OPA3: variants seen among roughly 807,000 people sequenced by gnomAD.
OPA3 encodes outer mitochondrial membrane lipid metabolism regulator OPA3, also known as optic atrophy 3 protein.
Under a neutral mutation model 4.0 loss-of-function variants are expected in OPA3, and 6 were observed. The ratio of observed to expected loss-of-function variants is 1.51; its 90% CI spans 0.83 to 2.99. OPA3 has a LOEUF of 2.99. Ranked by LOEUF, OPA3 falls within the 30% of genes most tolerant of loss-of-function variation. The probability of loss-of-function intolerance (pLI) is 0.00; values close to 1 mark genes in which losing one functional copy is unlikely to be tolerated. For synonymous variants in OPA3, 105 were observed against 117.1 expected, an observed-to-expected ratio of 0.90 and a Z score of 0.67; for missense variants, 235 against 256.2, an observed-to-expected ratio of 0.92 and a Z score of 0.56.
At chr19:45,571,394 G>A (rs1210920966) in intron 1 of OPA3, among the ~76,000 whole-genome samples, 1 of 152,092 alleles carries the variant, frequency 6.6e-6, no homozygotes, top group African/African-American at 2.4e-5. Flanking sequence ...GGATCCACCC[G>A]CCTTGGACTC....
Position 45,548,083 on chromosome 19 carries a change from A to G in OPA3, c.*5431T>C, listed in dbSNP as rs1036692631. ...GCTTGCTCCCAACTGGCTCCCAGCTACTAGAATGGAGCCTGGTGCAGTTGA... is the reference window on the plus strand; with the variant it reads ...GCTTGCTCCCAACTGGCTCCCAGCTGCTAGAATGGAGCCTGGTGCAGTTGA... On this transcript the variant is annotated 3_prime_UTR_variant, in exon 2 of 2. Coordinates refer to ENST00000263275, the MANE Select transcript of OPA3 (RefSeq NM_025136.4). 12 of 980,802 alleles carry G rather than the reference A, an allele frequency of 1.2e-5. No individual in the cohort carries two copies. Among genetic ancestry groups the G allele is most frequent in the East Asian group, 2.3e-4 (2 of 8,782 alleles). 60.8% of individuals were successfully genotyped at this position (980,802 alleles called of 1,614,324 possible). A position where few individuals can be genotyped will look rare whatever the true frequency, so the allele number is the denominator to read the frequency against.
intron 1 of OPA3, among the ~76,000 whole-genome samples, chr19:45,537,409 A>AAAAAAAAAAAAAAACAAG (rs1969131951): frequency 6.9e-6 from 1 of 145,980 alleles, no homozygotes; most frequent in African/African-American, 2.6e-5. Context: ...AAAAAAAAAA[A>AAAAAAAAAAAAAAACAAG]AAAAAAAAAA....
downstream of OPA3, among the ~76,000 whole-genome samples, chr19:45,543,341 GAC>G (rs1969208574): frequency 6.8e-6 from 1 of 147,428 alleles, no homozygotes; most frequent in African/African-American, 2.5e-5. Context: ...TTTTTTTTGA[GAC>G]AGAGTCTCGC....
At chr19:45,542,737 G>A (rs1402462167), downstream of OPA3, among the ~76,000 whole-genome samples, 1 of 143,300 alleles carries the variant, frequency 7.0e-6, no homozygotes, top group South Asian at 2.2e-4. Context: ...GCAGTGGTGC[G>A]ATCCTGGCTC....
chr19:45,532,147 C>G (rs1969067247), intron 1 of OPA3, among the ~76,000 whole-genome samples: 1 of 152,148 alleles, frequency 6.6e-6, no homozygotes, highest in Admixed American at 6.5e-5. Context: ...ACATGCTGAT[C>G]CCTATTAAAA....
chr19:45,574,396 C>CA (rs779877314), intron 1 of OPA3, among the ~76,000 whole-genome samples: 29,489 of 71,788 alleles, frequency 0.41, 4,749 homozygotes, highest in Non-Finnish European at 0.47. Context: ...GACTCTGTCT[C>CA]AAAAAAAAAA....
At chr19:45,572,504 TATATC>T (rs1435182658) in intron 1 of OPA3, among the ~76,000 whole-genome samples, 70 of 115,718 alleles carry the variant, frequency 6.0e-4, no homozygotes, top group African/African-American at 1.8e-3. Context: ...ATATGAGATA[TATATC>T]ATATATGAGA....
intron 1 of OPA3, among the ~76,000 whole-genome samples, chr19:45,530,882 C>T (rs1156609673): frequency 6.7e-6 from 1 of 149,700 alleles, no homozygotes; most frequent in Non-Finnish European, 1.5e-5. Flanking sequence ...GTGGCTTAGC[C>T]TCCCAAGTAG....
At chr19:45,532,251 C>T (rs1184144136) in intron 1 of OPA3, among the ~76,000 whole-genome samples, 1 of 152,148 alleles carries the variant, frequency 6.6e-6, no homozygotes, top group East Asian at 1.9e-4. Flanking sequence ...CACAACTGTA[C>T]CAGGTATTAA....
intron 1 of OPA3, among the ~76,000 whole-genome samples, chr19:45,572,844 T>G (rs924671692): frequency 6.8e-6 from 1 of 146,758 alleles, no homozygotes; most frequent in East Asian, 2.0e-4. Context: ...TATCTATCTA[T>G]ATATATTTTT....
chr19:45,567,500 G>A (rs769237349), intron 1 of OPA3, among the ~76,000 whole-genome samples: 5 of 152,044 alleles, frequency 3.3e-5, no homozygotes, highest in Non-Finnish European at 5.9e-5. Flanking sequence ...TCAACAAGGA[G>A]AGAAGTCAGA....
chr19:45,584,800 A>C lies in OPA3; in HGVS notation c.-36T>G, dbSNP rs1001918097. 5 of 1,611,300 alleles carry C rather than the reference A, an allele frequency of 3.1e-6. No homozygotes were observed. The highest frequency in any genetic ancestry group is 4.2e-6 in the Non-Finnish European group (5 of 1,179,832). Reference sequence around the variant, plus strand: ...TCACAGGGCACGCGCAACCTTGCTGACTGGGCGGGGCGCCTCAACCTCTTC... The same window carrying C: ...TCACAGGGCACGCGCAACCTTGCTGCCTGGGCGGGGCGCCTCAACCTCTTC... On this transcript the variant is annotated 5_prime_UTR_variant, in exon 1 of 2. Coordinates refer to ENST00000263275, the MANE Select transcript of OPA3 (RefSeq NM_025136.4).
intron 1 of OPA3, among the ~76,000 whole-genome samples, chr19:45,561,493 G>C (rs1969501922): frequency 6.6e-6 from 1 of 152,218 alleles, no homozygotes; most frequent in African/African-American, 2.4e-5. Flanking sequence ...AGTAGTGACT[G>C]CTAGAGCCCA....
chr19:45,534,560 C>CCAA (rs774730416), intron 1 of OPA3, among the ~76,000 whole-genome samples: 2 of 54,980 alleles, frequency 3.6e-5, no homozygotes, highest in Admixed American at 2.6e-4. Flanking sequence ...AACTCTGTCC[C>CCAA]AAAAAAAAAA....
Position 45,546,304 on chromosome 19 carries a change from C to A in OPA3, c.*7210G>T. 1 of 613,112 alleles carries A rather than the reference C, an allele frequency of 1.6e-6. No individual in the cohort carries two copies. Among genetic ancestry groups the A allele is most frequent in the Non-Finnish European group, 2.0e-6 (1 of 490,800 alleles). The allele number at this position is 613,112 out of a possible 1,614,324, so 38.0% of individuals were successfully genotyped here. A position where few individuals can be genotyped will look rare whatever the true frequency, so the allele number is the denominator to read the frequency against. ...TATTAAGGGTAATTATTTAATGAAA[C>A]TTTCATTCCAATGATATGTACATAA... On this transcript the variant is annotated 3_prime_UTR_variant, in exon 2 of 2. Coordinates refer to ENST00000263275, the MANE Select transcript of OPA3 (RefSeq NM_025136.4).
downstream of OPA3, among the ~76,000 whole-genome samples, chr19:45,544,795 A>AAAACAAATAAATAAATAAAT (rs1555731666): frequency 7.1e-6 from 1 of 140,652 alleles, no homozygotes; most frequent in Non-Finnish European, 1.5e-5. Context: ...ACTCCGTCTC[A>AAAACAAATAAATAAATAAAT]AAATAAATAA....
downstream of OPA3, among the ~76,000 whole-genome samples, chr19:45,541,633 T>C (rs546271469): frequency 2.6e-5 from 4 of 152,268 alleles, no homozygotes; most frequent in East Asian, 5.8e-4. Context: ...GGTGCAATGA[T>C]GGCTCATTGC....
chr19:45,581,880 C>T (rs936704194), intron 1 of OPA3, among the ~76,000 whole-genome samples: 1 of 152,144 alleles, frequency 6.6e-6, no homozygotes, highest in Admixed American at 6.6e-5. Context: ...ATCACTGCAA[C>T]CTCTACCTCC....
exon 2 of OPA3, chr19:45,528,747 G>A: frequency 2.9e-6 from 1 of 350,224 alleles, no homozygotes; most frequent in Non-Finnish European, 5.2e-6. Flanking sequence ...TAGGGAGGTG[G>A]GGTCTGATAA....
Sources: allele counts gnomAD v4.1 joint callset (sites outside exome capture counted in the v4.1 genomes callset), GRCh38; gene constraint gnomAD v4.1.1; transcripts MANE v1.5; gene names NCBI Gene and HGNC (gene_info 2026-07-23, HGNC 2026-07-21).